RAD51B: variants seen among roughly 807,000 people sequenced by gnomAD.
The protein encoded by RAD51B is RAD51 paralog B.
Under a neutral mutation model 42.2 loss-of-function variants are expected in RAD51B, and 38 were observed. The ratio of observed to expected loss-of-function variants is 0.90; its 90% CI spans 0.70 to 1.18. The LOEUF (loss-of-function observed/expected upper bound fraction) is 1.18, where lower values mean the gene tolerates loss of function less well. Among genes scored for constraint, RAD51B ranks in the 50% most tolerant of loss-of-function variants. The probability of loss-of-function intolerance (pLI) is 0.00; values close to 1 mark genes in which losing one functional copy is unlikely to be tolerated. For missense variants in RAD51B, 373 were observed against 400.7 expected, an observed-to-expected ratio of 0.93 and a Z score of 0.59; for synonymous variants, 154 against 145.2, an observed-to-expected ratio of 1.06 and a Z score of -0.43.
At chr14:68,332,347 C>G (rs565529787) in intron 8 of RAD51B, among the ~76,000 whole-genome samples, 1 of 152,126 alleles carries the variant, frequency 6.6e-6, no homozygotes. Context: ...TAAACACATA[C>G]TTTGGTCATT....
intron 10 of RAD51B, among the ~76,000 whole-genome samples, chr14:68,504,662 C>CTTTTTTTTTTTTTTTTTTTTT (rs57967320): frequency 5.5e-5 from 5 of 90,434 alleles, no homozygotes; most frequent in Admixed American, 1.4e-4. Context: ...TTTTTTCTTT[C>CTTTTTTTTTTTTTTTTTTTTT]TTTTTTTTTT....
At chr14:67,864,846 C>A in intron 4 of RAD51B, 157 bp from the exon 5 acceptor site, 1 of 1,183,702 alleles carries the variant, frequency 8.4e-7, no homozygotes, top group Non-Finnish European at 1.2e-6. Context: ...TCATTCCATA[C>A]AATGGATGTC....
At chr14:67,936,528 G>C (rs1262666233) in intron 7 of RAD51B, among the ~76,000 whole-genome samples, 2 of 152,042 alleles carry the variant, frequency 1.3e-5, no homozygotes, top group African/African-American at 4.8e-5. Flanking sequence ...TTCACATTTT[G>C]GGTATTATGA....
intron 10 of RAD51B, among the ~76,000 whole-genome samples, chr14:68,533,873 G>T (rs945743025): frequency 2.0e-5 from 3 of 152,174 alleles, no homozygotes; most frequent in African/African-American, 7.2e-5. Context: ...TAAGCCAGTA[G>T]CTGGGTTTAA....
chr14:68,412,609 A>T (rs1229893432), intron 9 of RAD51B, among the ~76,000 whole-genome samples: 1 of 152,238 alleles, frequency 6.6e-6, no homozygotes, highest in Non-Finnish European at 1.5e-5. Flanking sequence ...GACTATGTAA[A>T]TAATATTCCA....
At chr14:68,429,089 A>C (rs1203178604) in intron 9 of RAD51B, among the ~76,000 whole-genome samples, 11 of 151,908 alleles carry the variant, frequency 7.2e-5, no homozygotes, top group Non-Finnish European at 1.5e-4. Flanking sequence ...TGAACTCATC[A>C]TTTTTTATGG....
At chr14:68,656,431 G>T (rs1487027272) in intron 11 of RAD51B, among the ~76,000 whole-genome samples, 3 of 144,314 alleles carry the variant, frequency 2.1e-5, no homozygotes, top group African/African-American at 5.2e-5. Flanking sequence ...TCTCAATGGG[G>T]TAACTGAGGA....
At chr14:68,168,539 A>G (rs1566700049) in intron 7 of RAD51B, among the ~76,000 whole-genome samples, 1 of 152,178 alleles carries the variant, frequency 6.6e-6, no homozygotes, top group African/African-American at 2.4e-5. Flanking sequence ...TTCAATTTGA[A>G]AATCTAATCA....
chr14:67,912,813 C>T (rs959880792), intron 7 of RAD51B, among the ~76,000 whole-genome samples: 1 of 151,438 alleles, frequency 6.6e-6, no homozygotes, highest in Non-Finnish European at 1.5e-5. Flanking sequence ...TCAAGTGATT[C>T]TCCTGCCTCA....
intron 7 of RAD51B, among the ~76,000 whole-genome samples, chr14:68,291,621 G>T (rs2081518433): frequency 6.6e-6 from 1 of 152,202 alleles, no homozygotes; most frequent in African/African-American, 2.4e-5. Flanking sequence ...TCAGCATTTA[G>T]AATGAATTGA....
intron 7 of RAD51B, among the ~76,000 whole-genome samples, chr14:67,939,156 C>A (rs1177333723): frequency 6.6e-6 from 1 of 152,124 alleles, no homozygotes; most frequent in Non-Finnish European, 1.5e-5. Context: ...GACAGACATA[C>A]AGGCAGATAT....
intron 5 of RAD51B, among the ~76,000 whole-genome samples, chr14:67,868,142 A>G (rs1290768030): frequency 6.6e-6 from 1 of 152,170 alleles, no homozygotes; most frequent in Non-Finnish European, 1.5e-5. Flanking sequence ...GACGCAGAAG[A>G]TGGGTGATTT....
chr14:68,225,508 A>C (rs939003379), intron 7 of RAD51B, among the ~76,000 whole-genome samples: 1 of 152,208 alleles, frequency 6.6e-6, no homozygotes, highest in Admixed American at 6.5e-5. Flanking sequence ...TGGGATGCTA[A>C]TTTAGGGAAC....
At chr14:68,373,016 A>G (rs1044488797) in intron 8 of RAD51B, among the ~76,000 whole-genome samples, 2 of 152,214 alleles carry the variant, frequency 1.3e-5, no homozygotes, top group Admixed American at 6.5e-5. Context: ...AGTGTCTCCA[A>G]GCAACACAGT....
chr14:68,540,866 C>G (rs1403273166), intron 10 of RAD51B: 1 of 985,222 alleles, frequency 1.0e-6, no homozygotes, highest in Non-Finnish European at 1.2e-6. Flanking sequence ...AATAAAGATT[C>G]CATGTAGGGA....
At chr14:68,424,205 A>AT (rs933810399) in intron 9 of RAD51B, among the ~76,000 whole-genome samples, 8 of 151,874 alleles carry the variant, frequency 5.3e-5, no homozygotes, top group Non-Finnish European at 2.9e-5. Context: ...CTATTTCTTC[A>AT]TTTTTTTCCT....
At chr14:68,591,338 T>G (rs895149516) in intron 10 of RAD51B, among the ~76,000 whole-genome samples, 1 of 152,238 alleles carries the variant, frequency 6.6e-6, no homozygotes, top group African/African-American at 2.4e-5. Context: ...ACAGCCATCC[T>G]AGAGATTTGA....
intron 8 of RAD51B, among the ~76,000 whole-genome samples, chr14:68,405,420 G>A (rs1479776295): frequency 6.6e-6 from 1 of 151,984 alleles, no homozygotes; most frequent in Admixed American, 6.6e-5. Context: ...TTCCAGCCTG[G>A]GCAATAAGGG....
chr14:68,197,637 C>G (rs1184042453), intron 7 of RAD51B, among the ~76,000 whole-genome samples: 4 of 152,178 alleles, frequency 2.6e-5, no homozygotes, highest in African/African-American at 9.6e-5. Flanking sequence ...TATGTTTGTT[C>G]TACAGTTTCA....
Sources: allele counts gnomAD v4.1 joint callset (sites outside exome capture counted in the v4.1 genomes callset), GRCh38; gene constraint gnomAD v4.1.1; transcripts MANE v1.5; gene names NCBI Gene and HGNC (gene_info 2026-07-23, HGNC 2026-07-21).